POLQ: variants seen among roughly 807,000 people sequenced by gnomAD.
The protein encoded by POLQ is epididymis secretory sperm binding protein.
POLQ carries 233 observed loss-of-function variants against 259.2 expected under a neutral mutation model. The ratio of observed to expected loss-of-function variants is 0.90; its 90% CI spans 0.81 to 1.00. The LOEUF (loss-of-function observed/expected upper bound fraction) is 1.00. POLQ is among the 50% of genes least tolerant of loss of function. The pLI is 0.00. For synonymous variants in POLQ, 1,025 were observed against 1,048.8 expected (o/e 0.98, Z 0.44); for missense variants, 2,871 against 3,051.6 (o/e 0.94, Z 1.39).
intron 7 of POLQ, among the ~76,000 whole-genome samples, chr3:121,528,864 A>C (rs1457620475): frequency 6.6e-6 from 1 of 152,112 alleles, no homozygotes; most frequent in Admixed American, 6.5e-5. Flanking sequence ...AGATGGAAGA[A>C]TCACTTGAAC....
chr3:121,482,152 C>T (rs1368032116), intron 18 of POLQ, among the ~76,000 whole-genome samples: 1 of 152,146 alleles, frequency 6.6e-6, no homozygotes, highest in Non-Finnish European at 1.5e-5. Flanking sequence ...TCCACTAAGG[C>T]TAATTTGGGC....
At chr3:121,435,485 A>C (rs1411456579) in intron 28 of POLQ, among the ~76,000 whole-genome samples, 1 of 152,212 alleles carries the variant, frequency 6.6e-6, no homozygotes, top group Non-Finnish European at 1.5e-5. Context: ...AGGATCCCAA[A>C]ATCTGCAGTC....
At chr3:121,478,315 T>C (rs1040191421) in intron 19 of POLQ, among the ~76,000 whole-genome samples, 3 of 152,088 alleles carry the variant, frequency 2.0e-5, no homozygotes, top group African/African-American at 7.2e-5. Context: ...TAATAAATCC[T>C]GTATGAACTC....
chr3:121,522,232 T>C (rs1560106136), intron 7 of POLQ, 83 bp from the exon 8 acceptor site: 1 of 779,374 alleles, frequency 1.3e-6, no homozygotes, highest in South Asian at 2.0e-5. Flanking sequence ...TAGAGCTAAA[T>C]AGCAGGGGAA....
intron 7 of POLQ, 69 bp downstream of exon 7, chr3:121,529,576 A>AG: frequency 2.8e-6 from 4 of 1,435,274 alleles, no homozygotes; most frequent in Non-Finnish European, 3.9e-6. Context: ...TTTTGCTAAT[A>AG]TAATCACTAC....
intron 27 of POLQ, 112 bp from the exon 28 acceptor site, chr3:121,436,387 C>A: frequency 2.1e-6 from 2 of 958,710 alleles, no homozygotes; most frequent in Non-Finnish European, 3.2e-6. Flanking sequence ...GAAAGCTGGA[C>A]TGAGATGCAA....
chr3:121,481,294 T>C (rs1383977708), intron 19 of POLQ, among the ~76,000 whole-genome samples: 1 of 152,260 alleles, frequency 6.6e-6, no homozygotes, highest in African/African-American at 2.4e-5. Flanking sequence ...TAACATTAGA[T>C]GCATGTTTTT....
At chr3:121,507,142 G>A (rs1208045736) in intron 12 of POLQ, among the ~76,000 whole-genome samples, 1 of 152,182 alleles carries the variant, frequency 6.6e-6, no homozygotes, top group Non-Finnish European at 1.5e-5. Flanking sequence ...GCATGGAAGG[G>A]ATGGATATAG....
At chr3:121,458,937 G>GA (rs1267332203) in intron 25 of POLQ, among the ~76,000 whole-genome samples, 1 of 152,162 alleles carries the variant, frequency 6.6e-6, no homozygotes, top group Non-Finnish European at 1.5e-5. Flanking sequence ...ATGTAAATGC[G>GA]AAACAAAAAC....
chr3:121,459,986 T>A (rs567956435), intron 25 of POLQ, 64 bp downstream of exon 25: 1 of 1,277,060 alleles, frequency 7.8e-7, no homozygotes, highest in Non-Finnish European at 1.1e-6. Flanking sequence ...ATTGAGACCA[T>A]TTTTAATTTT....
chr3:121,433,575 T>C (rs893650747), intron 28 of POLQ, among the ~76,000 whole-genome samples: 5 of 152,178 alleles, frequency 3.3e-5, no homozygotes, highest in Admixed American at 2.6e-4. Flanking sequence ...AGAGAGTACA[T>C]AAACCCCTTG....
intron 23 of POLQ, among the ~76,000 whole-genome samples, 196 bp downstream of exon 23, chr3:121,468,109 T>G (rs1027880009): frequency 2.0e-5 from 3 of 152,212 alleles, no homozygotes; most frequent in Non-Finnish European, 4.4e-5. Flanking sequence ...ACTAGAACTT[T>G]TTTTAGCAAA....
At chr3:121,519,324 CTT>C (rs1420170037) in intron 9 of POLQ, among the ~76,000 whole-genome samples, 2 of 147,638 alleles carry the variant, frequency 1.4e-5, no homozygotes, top group Non-Finnish European at 3.0e-5. Context: ...GAAAGAAAAA[CTT>C]AATTCAACAT....
intron 14 of POLQ, 152 bp downstream of exon 14, chr3:121,496,656 A>G: frequency 1.4e-6 from 1 of 729,550 alleles, no homozygotes; most frequent in South Asian, 1.9e-5. Context: ...GAGGAGCCAT[A>G]GTTTTGAATT....
intron 20 of POLQ, among the ~76,000 whole-genome samples, 199 bp downstream of exon 20, chr3:121,476,341 C>T (rs1377693514): frequency 1.3e-5 from 2 of 152,136 alleles, no homozygotes; most frequent in South Asian, 2.1e-4. Context: ...TTATTACCTT[C>T]CTTTATTTGT....
chr3:121,494,971 A>T, intron 14 of POLQ: 1 of 847,940 alleles, frequency 1.2e-6, no homozygotes, highest in Middle Eastern at 3.6e-4. Flanking sequence ...TTCAAAAAAA[A>T]AAAAAAAGCA....
At chr3:121,494,531 A>G (rs2048099570) in intron 14 of POLQ, 1 of 1,578,414 alleles carries the variant, frequency 6.3e-7, no homozygotes, top group Non-Finnish European at 8.6e-7. Context: ...AGGAGTTAAC[A>G]CCGTCACCAC....
At chr3:121,484,487 G>C (rs2047994497) in intron 17 of POLQ, among the ~76,000 whole-genome samples, 1 of 152,170 alleles carries the variant, frequency 6.6e-6, no homozygotes, top group African/African-American at 2.4e-5. Context: ...CCCCCTCAGA[G>C]GAAAAACCCA....
rs373819961 is a variant in POLQ at position 121,488,294 on chromosome 3, T to G, written c.4637A>C (p.Gln1546Pro). ...TTCATCATTGGAACAAGTCAACTGCTGGTGGGTATCTTGATTCTCATTTAC... is the reference window on the plus strand; with the variant it reads ...TTCATCATTGGAACAAGTCAACTGCGGGTGGGTATCTTGATTCTCATTTAC... ...SNVNENQDTH[Q>P]QLTCSNDESI... Residue 1546 changes from glutamine (Q) to proline (P), a missense_variant, in exon 16 of 30, where the codon CAG becomes CCG. By Grantham distance (76) the Gln-to-Pro change is moderately conservative. This residue lies in a region of POLQ where 2,080 missense variants were observed against 2,126.0 expected (regional missense o/e 0.98). Coordinates refer to ENST00000264233, the MANE Select transcript of POLQ (RefSeq NM_199420.4). 2.8e-4 allele frequency: 456 copies of G among 1,612,562 alleles called. 1 individual carries two copies. The highest frequency in any genetic ancestry group is 3.6e-4 in the Non-Finnish European group (429 of 1,179,370).
Sources: allele counts gnomAD v4.1 joint callset (sites outside exome capture counted in the v4.1 genomes callset), GRCh38; gene constraint gnomAD v4.1.1; regional missense constraint gnomAD v4.1.1; transcripts MANE v1.5; gene names NCBI Gene and HGNC (gene_info 2026-07-23, HGNC 2026-07-21).